The following RBFOX1 variants were observed in gnomAD, a reference collection of about 807,000 sequenced individuals.
RBFOX1 encodes RNA binding fox-1 homolog 1.
RBFOX1 carries 8 observed loss-of-function variants against 57.7 expected under a neutral mutation model. That is an observed-to-expected ratio of 0.14 (90% CI 0.08 to 0.25). The LOEUF (loss-of-function observed/expected upper bound fraction) is 0.25. Ranked by LOEUF, RBFOX1 falls within the 10% of genes least tolerant of loss-of-function variation. The pLI is 1.00. For synonymous variants in RBFOX1, 326 were observed against 222.4 expected, an observed-to-expected ratio of 1.47 and a Z score of -4.15; for missense variants, 611 against 548.5, an observed-to-expected ratio of 1.11 and a Z score of -1.14.
chr16:5,418,423 G>A (rs1484377255), intron 1 of RBFOX1, among the ~76,000 whole-genome samples: 1 of 152,062 alleles, frequency 6.6e-6, no homozygotes, highest in African/African-American at 2.4e-5. Flanking sequence ...GGTCCGACGT[G>A]ATCAAGTGCA....
intron 3 of RBFOX1, among the ~76,000 whole-genome samples, chr16:7,001,513 G>A (rs751673418): frequency 2.0e-5 from 3 of 152,092 alleles, no homozygotes; most frequent in African/African-American, 4.8e-5. Flanking sequence ...ATGGAGTACA[G>A]TTGCATGATC....
chr16:5,604,237 T>C (rs75134945), downstream of RBFOX1, among the ~76,000 whole-genome samples: 5,665 of 152,328 alleles, frequency 0.037, 245 homozygotes, highest in African/African-American at 0.11. Flanking sequence ...ACTAAGTGGC[T>C]TCAAACAACA....
intron 1 of RBFOX1, among the ~76,000 whole-genome samples, chr16:5,462,960 G>A (rs1183635258): frequency 3.9e-5 from 6 of 152,138 alleles, no homozygotes; most frequent in African/African-American, 1.2e-4. Context: ...GTCTGGGAAA[G>A]GTGTTCATAC....
chr16:5,313,384 T>C (rs2064143879), intron 1 of RBFOX1, among the ~76,000 whole-genome samples: 1 of 152,214 alleles, frequency 6.6e-6, no homozygotes, highest in Non-Finnish European at 1.5e-5. Context: ...GCCATTGCTG[T>C]GTCTTTGGGA....
chr16:6,652,079 T>C (rs945687727), intron 2 of RBFOX1, among the ~76,000 whole-genome samples: 3 of 152,156 alleles, frequency 2.0e-5, no homozygotes, highest in African/African-American at 7.2e-5. Context: ...TTTTGGAGAT[T>C]AGTCCTTTAG....
intron 6 of RBFOX1, among the ~76,000 whole-genome samples, chr16:7,582,362 T>G (rs2093839156): frequency 1.3e-5 from 2 of 152,338 alleles, no homozygotes; most frequent in South Asian, 4.1e-4. Flanking sequence ...TTTATTTGTT[T>G]CTGTAAATTT....
intron 1 of RBFOX1, among the ~76,000 whole-genome samples, chr16:5,446,728 G>C (rs930515246): frequency 1.3e-5 from 2 of 152,106 alleles, no homozygotes; most frequent in Non-Finnish European, 2.9e-5. Context: ...TGACTTGGTA[G>C]CTTAGACTAA....
intron 3 of RBFOX1, among the ~76,000 whole-genome samples, chr16:7,044,177 A>ATGTGTGGGTATGGGTGTGTATG (rs1568507701): frequency 1.3e-5 from 2 of 152,116 alleles, no homozygotes; most frequent in Non-Finnish European, 2.9e-5. Context: ...GTATATGTGC[A>ATGTGTGGGTATGGGTGTGTATG]TGTGTGGGTA....
At chr16:6,845,599 C>G (rs1254786467) in intron 3 of RBFOX1, among the ~76,000 whole-genome samples, 1 of 152,038 alleles carries the variant, frequency 6.6e-6, no homozygotes, top group Non-Finnish European at 1.5e-5. Context: ...AGGTAATCTT[C>G]TTAAATCATA....
At chr16:6,292,884 C>A (rs575501535) in intron 1 of RBFOX1, among the ~76,000 whole-genome samples, 1 of 152,264 alleles carries the variant, frequency 6.6e-6, no homozygotes, top group African/African-American at 2.4e-5. Flanking sequence ...TCAAAAAATT[C>A]TAGACTGACA....
Position 7,440,102 on chromosome 16 carries a change from C to T in RBFOX1, c.28-78045C>T, listed in dbSNP as rs140106037. Among the ~76,000 whole-genome samples the T allele has an allele frequency of 4.4e-3, 667 of 152,072 alleles. 2 individuals are homozygous for T. Among genetic ancestry groups the T allele is most frequent in the Non-Finnish European group, 7.8e-3 (529 of 67,988 alleles). The stretch of plus-strand genomic sequence containing the variant: ...AAGTTGCTGGGGTTTTGCCGTGTCG[C>T]CTAGGCTGGTCTCGAACTCCTGGGC... On this transcript the variant is annotated intron_variant, in intron 4 of 15. Transcript: ENST00000550418.
intron 2 of RBFOX1, among the ~76,000 whole-genome samples, chr16:6,565,903 T>C (rs1310652906): frequency 6.6e-6 from 1 of 152,234 alleles, no homozygotes. Context: ...ATCCATGGCT[T>C]AAAAGAACCA....
chr16:7,004,741 A>C (rs1373467475), intron 3 of RBFOX1, among the ~76,000 whole-genome samples: 1 of 152,228 alleles, frequency 6.6e-6, no homozygotes. Context: ...AGAAAGGAGA[A>C]GTAGCTGTGA....
chr16:7,567,583 A>T (rs1477316729), intron 5 of RBFOX1, among the ~76,000 whole-genome samples: 2 of 97,212 alleles, frequency 2.1e-5, no homozygotes, highest in South Asian at 6.1e-4. Flanking sequence ...ATATATCCCT[A>T]TATATGGCCC....
downstream of RBFOX1, among the ~76,000 whole-genome samples, chr16:5,604,222 A>T (rs2047476683): frequency 6.6e-6 from 1 of 152,172 alleles, no homozygotes; most frequent in East Asian, 1.9e-4. Context: ...ATGCGTGCTT[A>T]AGAGACTAAG....
At chr16:6,589,991 G>C (rs2097688154) in intron 2 of RBFOX1, among the ~76,000 whole-genome samples, 1 of 152,148 alleles carries the variant, frequency 6.6e-6, no homozygotes, top group Non-Finnish European at 1.5e-5. Context: ...CTCCTCTTCT[G>C]ATAGAAAGGC....
chr16:6,671,045 T>C (rs1215089538), intron 3 of RBFOX1, among the ~76,000 whole-genome samples: 1 of 152,184 alleles, frequency 6.6e-6, no homozygotes, highest in Admixed American at 6.5e-5. Flanking sequence ...TATGTTGCAA[T>C]TTGGTAGAAA....
intron 3 of RBFOX1, among the ~76,000 whole-genome samples, chr16:5,817,315 T>G (rs2151795753): frequency 6.6e-6 from 1 of 152,300 alleles, no homozygotes; most frequent in East Asian, 1.9e-4. Flanking sequence ...CCCCTCACAT[T>G]TCTTCTTAAA....
intron 3 of RBFOX1, among the ~76,000 whole-genome samples, chr16:6,917,334 C>G (rs1411630540): frequency 1.3e-5 from 2 of 152,212 alleles, no homozygotes; most frequent in African/African-American, 4.8e-5. Flanking sequence ...CTAATCCCAT[C>G]TGGTGAAATC....
Sources: allele counts gnomAD v4.1 joint callset (sites outside exome capture counted in the v4.1 genomes callset), GRCh38; gene constraint gnomAD v4.1.1; transcripts MANE v1.5; gene names NCBI Gene and HGNC (gene_info 2026-07-23, HGNC 2026-07-21).